Variants in CENPP observed in about 807,000 individuals in gnomAD.
The protein encoded by CENPP is centromere protein P.
In CENPP, 24 loss-of-function variants were observed where a neutral mutation model predicts 35.6. The observed-to-expected ratio is 0.67, with a 90% CI of 0.49 to 0.95. The LOEUF (loss-of-function observed/expected upper bound fraction) is 0.95, where lower values mean the gene tolerates loss of function less well. Among genes scored for constraint, CENPP ranks in the 40% least tolerant of loss-of-function variants. The pLI, the probability that CENPP is intolerant of heterozygous loss-of-function variation, is 0.00. For missense variants in CENPP, 332 were observed against 345.3 expected (o/e 0.96, Z 0.31); for synonymous variants, 120 against 125.5 (o/e 0.96, Z 0.29).
chr9:92,479,183 C>T (rs930823408), intron 5 of CENPP, among the ~76,000 whole-genome samples: 1 of 152,166 alleles, frequency 6.6e-6, no homozygotes, highest in African/African-American at 2.4e-5. Context: ...AGTAGTGGTC[C>T]TGCTTTTTTC....
intron 5 of CENPP, among the ~76,000 whole-genome samples, chr9:92,491,769 G>C (rs1409033221): frequency 6.6e-6 from 1 of 152,062 alleles, no homozygotes; most frequent in Non-Finnish European, 1.5e-5. Context: ...TGCTGTGAAG[G>C]CTCTCACTCT....
chr9:92,344,110 G>A (rs1439994885), intron 3 of CENPP, among the ~76,000 whole-genome samples: 6 of 152,116 alleles, frequency 3.9e-5, no homozygotes, highest in Non-Finnish European at 8.8e-5. Flanking sequence ...TGAGACACAT[G>A]TAGGGGCTTT....
intron 5 of CENPP, among the ~76,000 whole-genome samples, chr9:92,398,417 C>A (rs946384022): frequency 6.6e-6 from 1 of 152,042 alleles, no homozygotes; most frequent in African/African-American, 2.4e-5. Flanking sequence ...ACTGCCATCC[C>A]CTCTCCCCCA....
chr9:92,547,349 G>T (rs547725600), intron 5 of CENPP, among the ~76,000 whole-genome samples: 1 of 152,310 alleles, frequency 6.6e-6, no homozygotes, highest in South Asian at 2.1e-4. Context: ...AAAACTTGAG[G>T]ACAATTGTTC....
intron 5 of CENPP, among the ~76,000 whole-genome samples, chr9:92,563,359 C>G (rs1849891530): frequency 1.3e-5 from 2 of 152,186 alleles, no homozygotes. Context: ...ATCTGTTTTC[C>G]CCAAACAGTA....
At chr9:92,474,533 AT>A in intron 5 of CENPP, 2 of 1,497,842 alleles carry the variant, frequency 1.3e-6, no homozygotes, top group African/African-American at 2.9e-5. Flanking sequence ...CACTCAGATT[AT>A]TTTTGAAATT....
At chr9:92,570,126 A>G (rs1850096492) in intron 5 of CENPP, among the ~76,000 whole-genome samples, 2 of 151,966 alleles carry the variant, frequency 1.3e-5, no homozygotes, top group African/African-American at 4.8e-5. Flanking sequence ...GTTGAATAGG[A>G]GTGGTGAGAG....
At chr9:92,465,062 A>C (rs777435658) in intron 5 of CENPP, 3 of 1,401,598 alleles carry the variant, frequency 2.1e-6, no homozygotes, top group Non-Finnish European at 3.0e-6. Flanking sequence ...CTTAGCACAC[A>C]TAGGTTGTAT....
chr9:92,395,031 C>G (rs1431976501), intron 5 of CENPP, among the ~76,000 whole-genome samples: 1 of 152,008 alleles, frequency 6.6e-6, no homozygotes, highest in African/African-American at 2.4e-5. Flanking sequence ...TTTTTTCCTG[C>G]TACAGCTTTT....
At chr9:92,606,774 C>G (rs1282839980) in intron 5 of CENPP, among the ~76,000 whole-genome samples, 3 of 151,956 alleles carry the variant, frequency 2.0e-5, no homozygotes, top group Non-Finnish European at 4.4e-5. Flanking sequence ...TGTGGTGGCA[C>G]GCGTCTGTAG....
At chr9:92,326,244 G>A in intron 1 of CENPP, 139 bp downstream of exon 1, 1 of 628,966 alleles carries the variant, frequency 1.6e-6, no homozygotes, top group African/African-American at 1.9e-5. Context: ...CTGTCATGAC[G>A]ATGGCCTAGA....
intron 5 of CENPP, among the ~76,000 whole-genome samples, chr9:92,497,624 C>CAA (rs1315903167): frequency 4.4e-4 from 36 of 81,616 alleles, no homozygotes; most frequent in African/African-American, 1.6e-3. Context: ...AACTCTGTCT[C>CAA]AAAAAAAAAA....
At chr9:92,449,465 A>G (rs906041613) in intron 5 of CENPP, among the ~76,000 whole-genome samples, 1 of 122,154 alleles carries the variant, frequency 8.2e-6, no homozygotes, top group African/African-American at 3.5e-5. Context: ...AAAAAAAAAA[A>G]AAAAAAAAAA....
chr9:92,418,174 C>T (rs1180320601), intron 5 of CENPP, among the ~76,000 whole-genome samples: 1 of 151,194 alleles, frequency 6.6e-6, no homozygotes, highest in Admixed American at 6.6e-5. Context: ...GCAGCCTCCA[C>T]CTCCCCGGTT....
At chr9:92,567,383 T>TATATATATATAG (rs1554688278) in intron 5 of CENPP, among the ~76,000 whole-genome samples, 1 of 94,642 alleles carries the variant, frequency 1.1e-5, no homozygotes, top group African/African-American at 5.5e-5. Context: ...GATATATATA[T>TATATATATATAG]ATATATATAT....
chr9:92,601,122 G>A (rs1287192091), intron 5 of CENPP, among the ~76,000 whole-genome samples: 2 of 152,198 alleles, frequency 1.3e-5, no homozygotes, highest in Admixed American at 1.3e-4. Flanking sequence ...TGGTTTACAG[G>A]AGGCAATTCA....
At chr9:92,608,161 C>T (rs1851133933) in intron 5 of CENPP, among the ~76,000 whole-genome samples, 2 of 152,208 alleles carry the variant, frequency 1.3e-5, no homozygotes, top group Non-Finnish European at 2.9e-5. Context: ...GTTCACTTTC[C>T]TTAAGCCAGA....
At chr9:92,594,143 C>T (rs1850723510) in intron 5 of CENPP, among the ~76,000 whole-genome samples, 2 of 152,170 alleles carry the variant, frequency 1.3e-5, no homozygotes, top group African/African-American at 4.8e-5. Context: ...TGCAATTTTC[C>T]TGTCAATGTA....
chr9:92,573,864 G>A (rs1379261282), intron 5 of CENPP, among the ~76,000 whole-genome samples: 1 of 152,232 alleles, frequency 6.6e-6, no homozygotes, highest in East Asian at 1.9e-4. Context: ...TGCTAGCAGT[G>A]AGCGAGGCTT....
Sources: gnomAD v4.1 joint callset for allele counts (sites outside exome capture counted in the v4.1 genomes callset) on GRCh38, gnomAD v4.1.1 for gene constraint, MANE v1.5 for transcripts, NCBI Gene and HGNC (gene_info 2026-07-23, HGNC 2026-07-21) for gene names.